Variants in MICB observed in about 807,000 individuals in gnomAD.
MICB encodes MHC class I antigen-related protein B.
In MICB, 27 loss-of-function variants were observed where a neutral mutation model predicts 34.3. The observed-to-expected ratio is 0.79, with a 90% CI of 0.58 to 1.08. The LOEUF is 1.08. Ranked by LOEUF, MICB falls within the 50% of genes least tolerant of loss-of-function variation. The pLI is 0.00. For synonymous variants in MICB, 153 were observed against 187.4 expected, an observed-to-expected ratio of 0.82 and a Z score of 1.50; for missense variants, 426 against 483.1, an observed-to-expected ratio of 0.88 and a Z score of 1.11.
chr6:31,509,677 G>A lies in MICB; in HGVS notation c.1025-105G>A, dbSNP rs1238919578. 2.9e-6 allele frequency: 4 copies of A among 1,397,246 alleles called. No homozygotes were observed. The African/African-American group carries it at 5.9e-5, about 20-fold the overall frequency. 86.6% of individuals were successfully genotyped at this position (1,397,246 alleles called of 1,614,324 possible). On this transcript the variant is annotated intron_variant, in intron 5 of 5. Coordinates refer to ENST00000252229, the MANE Select transcript of MICB (RefSeq NM_005931.5). ...AGTGGGGGCCTCATCTTCTCTCAGAGAAAGGGCGAATCTGATTTTGGGGCA... is the reference window on the plus strand; with the variant it reads ...AGTGGGGGCCTCATCTTCTCTCAGAAAAAGGGCGAATCTGATTTTGGGGCA...
chr6:31,495,125 G>A (rs1458569314), upstream of MICB: 3 of 152,368 alleles, frequency 2.0e-5, no homozygotes, highest in Non-Finnish European at 2.9e-5. Context: ...CCTCGGCGCT[G>A]AGAAGCAACT....
At chr6:31,500,937 T>A (rs921484194) in intron 1 of MICB, among the ~76,000 whole-genome samples, 2 of 152,246 alleles carry the variant, frequency 1.3e-5, no homozygotes, top group Non-Finnish European at 2.9e-5. Context: ...CTTTTGGGTA[T>A]ATGCCTAACA....
intron 3 of MICB, 24 bp from the exon 4 acceptor site, chr6:31,506,998 C>T: frequency 6.2e-7 from 1 of 1,603,398 alleles, no homozygotes; most frequent in Non-Finnish European, 8.5e-7. Context: ...CAGGGCTTCA[C>T]TGGCTCTGCC....
chr6:31,498,327 G>A (rs937768268), intron 1 of MICB, 64 bp downstream of exon 1: 159 of 1,391,234 alleles, frequency 1.1e-4, no homozygotes, highest in Non-Finnish European at 1.5e-4. Context: ...GGGGGTCCGG[G>A]TGGGTTGCCG....
At chr6:31,508,852 G>A (rs776948713) in intron 5 of MICB, among the ~76,000 whole-genome samples, 9 of 152,184 alleles carry the variant, frequency 5.9e-5, no homozygotes, top group Non-Finnish European at 1.0e-4. Flanking sequence ...AAATAAAACA[G>A]GAACTCAAAT....
chr6:31,495,141 G>C (rs1582853058), upstream of MICB: 2 of 152,460 alleles, frequency 1.3e-5, no homozygotes, highest in Non-Finnish European at 2.9e-5. Flanking sequence ...CAACTCCCCT[G>C]GAGCTCAAGA....
At chr6:31,508,595 G>A (rs1217673908) in intron 5 of MICB, among the ~76,000 whole-genome samples, 3 of 152,222 alleles carry the variant, frequency 2.0e-5, no homozygotes. Context: ...GGGCAGTGCA[G>A]GTCTGTGGTC....
chr6:31,503,595 C>T (rs866316965), intron 1 of MICB, among the ~76,000 whole-genome samples: 6 of 151,988 alleles, frequency 3.9e-5, no homozygotes, highest in Admixed American at 2.0e-4. Flanking sequence ...TATAATATTT[C>T]GAGGTTCATC....
At chr6:31,501,225 T>G (rs1765004972) in intron 1 of MICB, among the ~76,000 whole-genome samples, 3 of 152,252 alleles carry the variant, frequency 2.0e-5, no homozygotes, top group Non-Finnish European at 4.4e-5. Context: ...GCCATTTGTA[T>G]GTCTTCTTTT....
In MICB at chr6:31,510,078, GC is replaced by G; in HGVS notation, c.*171del. 1.6e-6 allele frequency: 1 copy of G among 620,034 alleles called. No individual in the cohort carries two copies. The highest frequency in any genetic ancestry group is 2.5e-6 in the Non-Finnish European group (1 of 399,424). The allele number at this position is 620,034 out of a possible 1,614,324, so 38.4% of individuals were successfully genotyped here. A position where few individuals can be genotyped will look rare whatever the true frequency, so the allele number is the denominator to read the frequency against. The stretch of plus-strand genomic sequence containing the variant: ...TGTTTGCTGCTCTGCCACGTAGAGA[GC>G]CAGCAAAGGGATCATGACCAACTCA... On this transcript the variant is annotated 3_prime_UTR_variant, in exon 6 of 6. Transcript: ENST00000252229.
At chr6:31,500,215 A>G (rs9378160) in intron 1 of MICB, among the ~76,000 whole-genome samples, 31 of 151,060 alleles carry the variant, frequency 2.1e-4, no homozygotes, top group Non-Finnish European at 1.0e-4. Context: ...TCCTTTTGGC[A>G]GGTCCTTCCT....
Position 31,504,323 on chromosome 6 carries a change from G to A in MICB, c.71-1294G>A, listed in dbSNP as rs376893163. On this transcript the variant is annotated intron_variant, in intron 1 of 5. Coordinates refer to ENST00000252229, the MANE Select transcript of MICB (RefSeq NM_005931.5). ...TGCCCAGGCTGGAGTGCAGTGGCAC[G>A]ATCTCAGCTCACTGCAAGCTCCGCC... is the stretch of plus-strand genomic sequence containing the variant. 4.7e-3 allele frequency among the ~76,000 whole-genome samples: 579 copies of A among 123,864 alleles called. 17 individuals are homozygous for A. In the South Asian group the frequency reaches 0.084, roughly 18 times the overall value. The allele number at this position is 123,864 out of a possible 152,430, so 81.3% of individuals were successfully genotyped here.
upstream of MICB, among the ~76,000 whole-genome samples, chr6:31,495,374 A>G (rs576768821): frequency 1.3e-5 from 2 of 152,250 alleles, no homozygotes; most frequent in East Asian, 3.9e-4. Flanking sequence ...GACCTGTGTC[A>G]GGAGAGCTGG....
At position 31,509,891 on chromosome 6, in the gene MICB, T is replaced by G; in HGVS notation, c.1134T>G (p.Gly378=). The G allele has an allele frequency of 6.2e-7, 1 of 1,612,100 alleles. No individual in the cohort carries two copies. The highest frequency in any genetic ancestry group is 8.5e-7 in the Non-Finnish European group (1 of 1,178,844). Reference sequence around the variant, plus strand: ...TGATGTCAGCTACTGGGTCCACTGGTTCCACTGAGGGCACCTAGACTCTAC... The same window carrying G: ...TGATGTCAGCTACTGGGTCCACTGGGTCCACTGAGGGCACCTAGACTCTAC... ...QPLMSATGST[G]STEGT is the part of the protein sequence containing the mutation. The change falls in exon 6 of 6, where the codon GGT becomes GGG. Residue 378 remains glycine, a synonymous_variant. Coordinates refer to ENST00000252229, the MANE Select transcript of MICB (RefSeq NM_005931.5).
intron 5 of MICB, among the ~76,000 whole-genome samples, chr6:31,509,523 G>A (rs1765543296): frequency 6.6e-6 from 1 of 152,192 alleles, no homozygotes; most frequent in Non-Finnish European, 1.5e-5. Context: ...CTTGGGTCTT[G>A]TCCTTTTGTC....
intron 5 of MICB, 114 bp from the exon 6 acceptor site, chr6:31,509,668 T>C: frequency 2.2e-6 from 3 of 1,349,026 alleles, no homozygotes; most frequent in Non-Finnish European, 3.0e-6. Flanking sequence ...GGCCTCATCT[T>C]CTCTCAGAGA....
intron 1 of MICB, among the ~76,000 whole-genome samples, chr6:31,502,287 G>A (rs1296264340): frequency 6.6e-6 from 1 of 152,232 alleles, no homozygotes; most frequent in Non-Finnish European, 1.5e-5. Context: ...GGTGAGCTGA[G>A]ATTGCACCAT....
chr6:31,498,042 C>T (rs3828914), upstream of MICB: 149,394 of 439,470 alleles, frequency 0.34, 25,412 homozygotes, highest in East Asian at 0.5. Context: ...GCCCTCTCCA[C>T]TCATGATTGG....
At chr6:31,506,511 C>A (rs1281119857) in intron 3 of MICB, 81 bp downstream of exon 3, 1 of 1,464,698 alleles carries the variant, frequency 6.8e-7, no homozygotes, top group Non-Finnish European at 9.2e-7. Flanking sequence ...CCGGGGAAAC[C>A]CTCCCTGTGC....
Sources: gnomAD v4.1 joint callset for allele counts (sites outside exome capture counted in the v4.1 genomes callset) on GRCh38, gnomAD v4.1.1 for gene constraint, MANE v1.5 for transcripts, NCBI Gene and HGNC (gene_info 2026-07-23, HGNC 2026-07-21) for gene names.